DEPDC5: variants seen among roughly 807,000 people sequenced by gnomAD.
The protein encoded by DEPDC5 is GATOR1 complex protein DEPDC5.
Under a neutral mutation model 217.3 loss-of-function variants are expected in DEPDC5, and 73 were observed. That is an observed-to-expected ratio of 0.34 (90% CI 0.28 to 0.41). The LOEUF (loss-of-function observed/expected upper bound fraction) is 0.41. Ranked by LOEUF, DEPDC5 falls within the 10% of genes least tolerant of loss-of-function variation. The probability of loss-of-function intolerance (pLI) is 1.00; values close to 1 mark genes in which losing one functional copy is unlikely to be tolerated. For missense variants in DEPDC5, 1,675 were observed against 2,070.1 expected, an observed-to-expected ratio of 0.81 and a Z score of 3.70; for synonymous variants, 733 against 756.7, an observed-to-expected ratio of 0.97 and a Z score of 0.51.
chr22:31,784,639 T>C, intron 9 of DEPDC5, 175 bp from the exon 10 acceptor site: 2 of 483,034 alleles, frequency 4.1e-6, no homozygotes, highest in Non-Finnish European at 7.2e-6. Flanking sequence ...AAAAAAAAGA[T>C]GTACAAAATA....
chr22:31,889,043 G>A (rs759563330), intron 38 of DEPDC5, among the ~76,000 whole-genome samples: 85 of 152,162 alleles, frequency 5.6e-4, no homozygotes, highest in African/African-American at 1.8e-3. Context: ...TGATTGTTAC[G>A]TAGAGTATCA....
chr22:31,816,816 AG>A, intron 21 of DEPDC5: 1 of 152,936 alleles, frequency 6.5e-6, no homozygotes, highest in South Asian at 2.0e-4. Context: ...TTGGTTTCGC[AG>A]GGGGAGCTCA....
In DEPDC5 at chr22:31,907,070, TG is replaced by T. The variant is rs1270097612; in HGVS notation, c.*574del. On this transcript the variant is annotated 3_prime_UTR_variant, in exon 43 of 43. Transcript: ENST00000651528. The stretch of plus-strand genomic sequence containing the variant: ...GCAGTCCCATCCTGGGCTGGGCAGT[TG>T]TGCCAGGTGGCCGGGGTCATGGCAG... The T allele has an allele frequency of 6.4e-6, 1 of 155,878 alleles. No homozygotes were observed. The highest frequency in any genetic ancestry group is 1.4e-5 in the Non-Finnish European group (1 of 70,432). The allele number at this position is 155,878 out of a possible 1,614,324, so 9.7% of individuals were successfully genotyped here.
At chr22:31,806,072 T>G (rs1455750062) in intron 17 of DEPDC5, 50 bp from the exon 18 acceptor site, 16 of 1,543,956 alleles carry the variant, frequency 1.0e-5, no homozygotes, top group Non-Finnish European at 1.4e-5. Context: ...TGTTTTGAGT[T>G]TTAAAATAAA....
chr22:31,879,107 CAT>C (rs1303077980), intron 37 of DEPDC5, among the ~76,000 whole-genome samples: 6 of 122,782 alleles, frequency 4.9e-5, no homozygotes, highest in African/African-American at 1.4e-4. Context: ...CATATATATA[CAT>C]ATATATACAC....
intron 33 of DEPDC5, among the ~76,000 whole-genome samples, chr22:31,864,442 A>C (rs2092616610): frequency 6.8e-6 from 1 of 147,040 alleles, no homozygotes; most frequent in Non-Finnish European, 1.5e-5. Context: ...ACCTCTGTGC[A>C]ATGTTAGGGA....
Position 31,857,886 on chromosome 22 carries a change from A to T in DEPDC5, c.3264+333A>T, listed in dbSNP as rs189744703. ...GCAACATAAGGAGACACCATTTCTTAAAAAAATTAAAAATAAAATTAGCTA... is the reference window on the plus strand; with the variant it reads ...GCAACATAAGGAGACACCATTTCTTTAAAAAATTAAAAATAAAATTAGCTA... On this transcript the variant is annotated intron_variant, in intron 32 of 42. Transcript: ENST00000651528. The T allele has an allele frequency of 9.0e-4, 157 of 174,848 alleles. 1 individual carries two copies. In the Middle Eastern group the frequency reaches 0.013, roughly 14 times the overall value. The allele number at this position is 174,848 out of a possible 1,614,324, so 10.8% of individuals were successfully genotyped here.
Position 31,758,088 on chromosome 22 carries a change from T to C in DEPDC5, c.59-458T>C, listed in dbSNP as rs546504920. On this transcript the variant is annotated intron_variant, in intron 2 of 42. Transcript: ENST00000651528. ...CTCTCTGAGGTTATTTTCTTACTCC[T>C]GTTAGATCTAAAGATTTATTGTGAC... Among the ~76,000 whole-genome samples the C allele has an allele frequency of 5.3e-5, 8 of 152,318 alleles. No individual in the cohort carries two copies. The South Asian group carries it at 6.2e-4, about 12-fold the overall frequency.
intron 24 of DEPDC5, 113 bp downstream of exon 24, chr22:31,822,903 C>A: frequency 1.9e-6 from 2 of 1,074,146 alleles, no homozygotes; most frequent in Non-Finnish European, 2.7e-6. Flanking sequence ...ATTTCAGCCA[C>A]ACTTTTGGGT....
rs779543815 is a variant in DEPDC5, at chr22:31,812,725, A to AT, written c.1445+2088dup. 5.1e-5 allele frequency among the ~76,000 whole-genome samples: 7 copies of AT among 136,196 alleles called. No individual in the cohort carries two copies. The East Asian group carries it at 9.1e-4, about 18-fold the overall frequency. The allele number at this position is 136,196 out of a possible 152,430, so 89.3% of individuals were successfully genotyped here. On this transcript the variant is annotated intron_variant, in intron 20 of 42. Transcript: ENST00000651528. ...AGGCGTGAGCCACCGCGCCCGGCCAATTTTCCAGATTTCTTTCTTTTTTTT... is the reference window on the plus strand; with the variant it reads ...AGGCGTGAGCCACCGCGCCCGGCCAATTTTTCCAGATTTCTTTCTTTTTTTT...
At chr22:31,884,003 C>A (rs776925467) in intron 38 of DEPDC5, among the ~76,000 whole-genome samples, 4 of 152,182 alleles carry the variant, frequency 2.6e-5, no homozygotes, top group Admixed American at 6.5e-5. Context: ...ACCAATTGAT[C>A]TTGCTATCAT....
At chr22:31,771,714 G>GTC (rs1569514415) in intron 7 of DEPDC5, among the ~76,000 whole-genome samples, 10 of 76,592 alleles carry the variant, frequency 1.3e-4, no homozygotes, top group East Asian at 4.4e-4. Flanking sequence ...GCAAGACTCC[G>GTC]TCACACACAC....
At chr22:31,873,437 C>A in intron 35 of DEPDC5, 105 bp downstream of exon 35, 1 of 1,276,942 alleles carries the variant, frequency 7.8e-7, no homozygotes, top group South Asian at 1.5e-5. Context: ...CTGTACTTCT[C>A]ACCAGTTTTG....
At chr22:31,848,456 A>G (rs1190474682) in intron 31 of DEPDC5, among the ~76,000 whole-genome samples, 1 of 152,208 alleles carries the variant, frequency 6.6e-6, no homozygotes, top group African/African-American at 2.4e-5. Context: ...TGCAGGCTCA[A>G]CACCACATAG....
chr22:31,820,688 A>G (rs1482510540), intron 22 of DEPDC5, among the ~76,000 whole-genome samples: 2 of 151,954 alleles, frequency 1.3e-5, no homozygotes, highest in African/African-American at 4.8e-5. Flanking sequence ...GTGTTTCTTC[A>G]GTGACCTTCA....
rs136863 is a variant in DEPDC5 at position 31,856,155 on chromosome 22, GCACACACACACA to G, written c.3156-1266_3156-1255del. 3.5e-4 allele frequency among the ~76,000 whole-genome samples: 49 copies of G among 140,676 alleles called. 1 individual carries two copies. The highest frequency in any genetic ancestry group is 1.3e-3 in the Admixed American group (18 of 13,986). 92.3% of individuals were successfully genotyped at this position (140,676 alleles called of 152,430 possible). A position where few individuals can be genotyped will look rare whatever the true frequency, so the allele number is the denominator to read the frequency against. On this transcript the variant is annotated intron_variant, in intron 31 of 42. Transcript: ENST00000651528. ...GAGATGTGCTGAGTTGGGCCAACGC[GCACACACACACA>G]CACACACACACACACACACACACTT... is the stretch of plus-strand genomic sequence containing the variant.
At chr22:31,782,950 G>A (rs1283365853) in intron 8 of DEPDC5, among the ~76,000 whole-genome samples, 4 of 152,172 alleles carry the variant, frequency 2.6e-5, no homozygotes, top group African/African-American at 2.4e-5. Context: ...TCATGGCCCC[G>A]AGCTGTGGCT....
At chr22:31,883,301 A>G (rs531512177) in intron 38 of DEPDC5, among the ~76,000 whole-genome samples, 1 of 152,278 alleles carries the variant, frequency 6.6e-6, no homozygotes, top group East Asian at 1.9e-4. Context: ...AACTTCCCTA[A>G]GCAGGTGTCA....
chr22:31,823,532 CAAAAAAAA>C (rs375009177), intron 24 of DEPDC5, among the ~76,000 whole-genome samples: 2 of 52,248 alleles, frequency 3.8e-5, no homozygotes, highest in African/African-American at 7.3e-5. Context: ...GACTCCATCT[CAAAAAAAA>C]AAAAAAAAAA....
Sources: allele counts gnomAD v4.1 joint callset (sites outside exome capture counted in the v4.1 genomes callset), GRCh38; gene constraint gnomAD v4.1.1; transcripts MANE v1.5; gene names NCBI Gene and HGNC (gene_info 2026-07-23, HGNC 2026-07-21).